FRMD3: variants seen among roughly 807,000 people sequenced by gnomAD.
FRMD3 encodes FERM domain-containing protein 3.
Under a neutral mutation model 70.2 loss-of-function variants are expected in FRMD3, and 33 were observed. The observed-to-expected ratio is 0.47, with a 90% CI of 0.36 to 0.63. The LOEUF is 0.63. FRMD3 is among the 20% of genes least tolerant of loss of function. FRMD3 has a pLI of 0.00. For synonymous variants in FRMD3, 279 were observed against 255.9 expected, an observed-to-expected ratio of 1.09 and a Z score of -0.86; for missense variants, 632 against 711.4, an observed-to-expected ratio of 0.89 and a Z score of 1.27.
chr9:83,467,480 G>C (rs1828159160), intron 1 of FRMD3: 1 of 693,736 alleles, frequency 1.4e-6, no homozygotes, highest in Non-Finnish European at 2.6e-6. Flanking sequence ...CTACAAAAGA[G>C]ACCCTCCCGA....
chr9:83,247,904 G>T lies in FRMD3; in HGVS notation c.*14C>A, dbSNP rs78846594. 1.2e-6 allele frequency: 2 copies of T among 1,611,574 alleles called. No individual in the cohort carries two copies. Among genetic ancestry groups the T allele is most frequent in the Non-Finnish European group, 1.7e-6 (2 of 1,178,166 alleles). On this transcript the variant is annotated 3_prime_UTR_variant, in exon 14 of 14. Transcript: ENST00000304195. ...AGCATTGAATATAGCCCTTAGTCACGTGAGAGATTAACTTCATGAGCAACC... is the reference window on the plus strand; with the variant it reads ...AGCATTGAATATAGCCCTTAGTCACTTGAGAGATTAACTTCATGAGCAACC...
At chr9:83,289,561 A>T (rs981886539) in intron 13 of FRMD3, among the ~76,000 whole-genome samples, 1 of 152,224 alleles carries the variant, frequency 6.6e-6, no homozygotes, top group African/African-American at 2.4e-5. Flanking sequence ...GGGTATCTGC[A>T]TTCCAAGCCA....
At chr9:83,327,919 T>C (rs1836084590) in intron 6 of FRMD3, among the ~76,000 whole-genome samples, 1 of 152,148 alleles carries the variant, frequency 6.6e-6, no homozygotes, top group African/African-American at 2.4e-5. Context: ...GAGAGGGACA[T>C]TATCTCTCGC....
rs1832153953 is a variant in FRMD3 at position 83,247,348 on chromosome 9, T to G, written c.*570A>C. 1 of 982,886 alleles carries G rather than the reference T, an allele frequency of 1.0e-6. No homozygotes were observed. The highest frequency in any genetic ancestry group is 1.8e-5 in the African/African-American group (1 of 56,858). The allele number at this position is 982,886 out of a possible 1,614,324, so 60.9% of individuals were successfully genotyped here. A position where few individuals can be genotyped will look rare whatever the true frequency, so the allele number is the denominator to read the frequency against. On this transcript the variant is annotated 3_prime_UTR_variant, in exon 14 of 14. Coordinates refer to ENST00000304195, the MANE Select transcript of FRMD3 (RefSeq NM_174938.6). ...CTGATATACCTTTTGTGCATTAGTC[T>G]TACAATCTGTACATGTAAATAACTC...
At chr9:83,257,064 A>G (rs571053207) in intron 13 of FRMD3, among the ~76,000 whole-genome samples, 1 of 152,188 alleles carries the variant, frequency 6.6e-6, no homozygotes. Context: ...ATAAAGATAC[A>G]TGCATGCATA....
chr9:83,257,499 T>C (rs1832768094), intron 13 of FRMD3, among the ~76,000 whole-genome samples: 1 of 152,152 alleles, frequency 6.6e-6, no homozygotes, highest in Non-Finnish European at 1.5e-5. Context: ...CCTGCACACG[T>C]ACCCTTGAAA....
At chr9:83,469,965 G>A (rs186221926) in intron 1 of FRMD3, among the ~76,000 whole-genome samples, 2 of 152,350 alleles carry the variant, frequency 1.3e-5, no homozygotes, top group Non-Finnish European at 2.9e-5. Flanking sequence ...AGGCTGAAGA[G>A]CTCTGGGGAT....
At chr9:83,400,255 G>T (rs1222906659) in intron 1 of FRMD3, among the ~76,000 whole-genome samples, 1 of 152,060 alleles carries the variant, frequency 6.6e-6, no homozygotes, top group Non-Finnish European at 1.5e-5. Flanking sequence ...GACCAGCAAT[G>T]AACAATTGAA....
intron 1 of FRMD3, among the ~76,000 whole-genome samples, chr9:83,426,258 A>C (rs1455211437): frequency 1.3e-5 from 2 of 152,234 alleles, no homozygotes; most frequent in Middle Eastern, 3.2e-3. Flanking sequence ...CATTGTCCTC[A>C]ATAGGGAAAC....
At chr9:83,342,747 C>T (rs993200335) in intron 5 of FRMD3, among the ~76,000 whole-genome samples, 1 of 150,190 alleles carries the variant, frequency 6.7e-6, no homozygotes, top group Non-Finnish European at 1.5e-5. Flanking sequence ...TAGATAGACA[C>T]AAAAATGCTT....
the FRMD3 span, among the ~76,000 whole-genome samples, chr9:83,545,845 A>C: frequency 6.6e-5 from 10 of 152,204 alleles, no homozygotes; most frequent in Admixed American, 2.0e-4. Context: ...AGATACAAGA[A>C]GCTCAGAGAA....
intron 1 of FRMD3, among the ~76,000 whole-genome samples, chr9:83,514,946 A>C (rs2131536161): frequency 6.6e-6 from 1 of 152,360 alleles, no homozygotes. Flanking sequence ...ACCACGCAAT[A>C]ACTCCATCCA....
chr9:83,256,476 G>A (rs568340441), intron 13 of FRMD3, among the ~76,000 whole-genome samples: 23 of 152,154 alleles, frequency 1.5e-4, no homozygotes, highest in Admixed American at 4.6e-4. Flanking sequence ...ATTTCATGAC[G>A]AAAATGCCAA....
chr9:83,317,810 G>A (rs570553696), intron 6 of FRMD3, among the ~76,000 whole-genome samples: 3 of 152,180 alleles, frequency 2.0e-5, no homozygotes, highest in Admixed American at 2.0e-4. Flanking sequence ...TTAAACTCTA[G>A]GACATCTGTT....
intron 13 of FRMD3, among the ~76,000 whole-genome samples, chr9:83,283,066 G>T (rs922366821): frequency 6.6e-5 from 10 of 152,118 alleles, no homozygotes; most frequent in Non-Finnish European, 1.3e-4. Context: ...GAGTTCTAAA[G>T]ACGAGAATAG....
intron 1 of FRMD3, among the ~76,000 whole-genome samples, chr9:83,391,599 T>G (rs1373908083): frequency 6.6e-6 from 1 of 152,176 alleles, no homozygotes; most frequent in Non-Finnish European, 1.5e-5. Context: ...CTAAAGAAGA[T>G]GTACTCAACA....
chr9:83,580,522 C>T, the FRMD3 span, among the ~76,000 whole-genome samples: 45 of 152,164 alleles, frequency 3.0e-4, no homozygotes, highest in African/African-American at 9.1e-4. Context: ...CAGAAAAACA[C>T]GTACCTCGTG....
chr9:83,558,298 G>C, the FRMD3 span, among the ~76,000 whole-genome samples: 1 of 152,134 alleles, frequency 6.6e-6, no homozygotes, highest in Non-Finnish European at 1.5e-5. Flanking sequence ...ACGCACATGT[G>C]CATGTGTGCG....
At chr9:83,517,494 C>CAAAAAAAAA (rs59178344) in intron 1 of FRMD3, among the ~76,000 whole-genome samples, 24 of 65,532 alleles carry the variant, frequency 3.7e-4, no homozygotes, top group Non-Finnish European at 4.8e-4. Flanking sequence ...CCTACCAATC[C>CAAAAAAAAA]AAAAAAAAAA....
Sources: allele counts gnomAD v4.1 joint callset (sites outside exome capture counted in the v4.1 genomes callset), GRCh38; gene constraint gnomAD v4.1.1; transcripts MANE v1.5; gene names NCBI Gene and HGNC (gene_info 2026-07-23, HGNC 2026-07-21).